BRD1: variants seen among roughly 807,000 people sequenced by gnomAD.
BRD1 encodes bromodomain-containing protein 1.
BRD1 carries 24 observed loss-of-function variants against 107.7 expected under a neutral mutation model. That is an observed-to-expected ratio of 0.22 (90% confidence interval 0.16 to 0.31). The LOEUF is 0.31. Ranked by LOEUF, BRD1 falls within the 10% of genes least tolerant of loss-of-function variation. The pLI is 1.00. For synonymous variants in BRD1, 744 were observed against 686.1 expected (o/e 1.08, Z -1.32); for missense variants, 1,279 against 1,638.6 (o/e 0.78, Z 3.79).
intron 6 of BRD1, among the ~76,000 whole-genome samples, chr22:49,794,819 T>C (rs2059499985): frequency 6.6e-6 from 1 of 152,216 alleles, no homozygotes; most frequent in African/African-American, 2.4e-5. Flanking sequence ...AGTAAACGGG[T>C]TGTAAAATTC....
chr22:49,781,034 G>T (rs2059196992), intron 8 of BRD1, among the ~76,000 whole-genome samples: 1 of 152,202 alleles, frequency 6.6e-6, no homozygotes, highest in African/African-American at 2.4e-5. Context: ...AGTAAAGCTG[G>T]TGACTGTGAG....
rs1255685552 is a variant in BRD1 at position 49,777,721 on chromosome 22, C to T, written c.2950G>A (p.Glu984Lys). The T allele has an allele frequency of 1.2e-6, 2 of 1,608,142 alleles. No homozygotes were observed. The highest frequency in any genetic ancestry group is 1.3e-5 in the African/African-American group (1 of 75,004). The part of the protein sequence containing the change: ...KATPRRRCAS[E>K]SSISSSNSPL... The stretch of plus-strand genomic sequence containing the variant: ...CTGTTGCTGGAGGAGATGCTGGACT[C>T]GGAGGCACAGCGTCGTCGGGGTGTG... The change falls in exon 9 of 13, where the codon GAG (glutamate) becomes AAG (lysine). Residue 984 changes from glutamate (E) to lysine (K), a missense_variant. This residue lies in a region of BRD1 where 263 missense variants were observed against 251.6 expected (regional missense o/e 1.05). Coordinates refer to ENST00000404760, the MANE Select transcript of BRD1 (RefSeq NM_001304808.3).
intron 2 of BRD1, among the ~76,000 whole-genome samples, chr22:49,811,541 C>A (rs995421331): frequency 5.3e-5 from 8 of 152,302 alleles, no homozygotes; most frequent in South Asian, 2.1e-4. Context: ...GGCAGCTGCA[C>A]GGCGTGGGTG....
At chr22:49,775,815 A>ACCCCCCCCCCCCC in intron 11 of BRD1, 70 bp from the exon 12 acceptor site, 1 of 1,141,502 alleles carries the variant, frequency 8.8e-7, no homozygotes, top group East Asian at 3.5e-5. Context: ...TGTCACTGGC[A>ACCCCCCCCCCCCC]CCCCCCCCCG....
chr22:49,827,664 C>CCGGCAGCGG lies in BRD1; in HGVS notation c.-191_-183dup. ...CCTCTCGGCCGCGGCGGCTCCGGGC[C>CCGGCAGCGG]CGGCAGCGGCGGCCGCGGACTCTCG... On this transcript the variant is annotated 5_prime_UTR_variant, in exon 1 of 13. Transcript: ENST00000404760. Among the ~76,000 whole-genome samples, 1 of 144,986 alleles carries CCGGCAGCGG rather than the reference C, an allele frequency of 6.9e-6. No individual in the cohort carries two copies. Among genetic ancestry groups the CCGGCAGCGG allele is most frequent in the South Asian group, 2.1e-4 (1 of 4,736 alleles).
At chr22:49,804,468 T>C in intron 2 of BRD1, 108 bp from the exon 3 acceptor site, 2 of 1,308,428 alleles carry the variant, frequency 1.5e-6, no homozygotes, top group Non-Finnish European at 2.1e-6. Context: ...GTTCATACTT[T>C]TTCTCCCTAA....
At chr22:49,822,139 C>T (rs898406727) in intron 2 of BRD1, among the ~76,000 whole-genome samples, 1 of 152,224 alleles carries the variant, frequency 6.6e-6, no homozygotes, top group African/African-American at 2.4e-5. Context: ...AAAATCTTCA[C>T]GCACGGCTGG....
In BRD1 at chr22:49,773,992, A is replaced by G. The variant is rs755743503; in HGVS notation, c.*241T>C. ...GCTACATATCAAAGAAAGTGACGCC[A>G]GCAGCACGGCCTGGGGACGTGCGAC... On this transcript the variant is annotated 3_prime_UTR_variant, in exon 13 of 13. Transcript: ENST00000404760. 2.2e-5 allele frequency: 9 copies of G among 401,254 alleles called. No individual in the cohort carries two copies. Among genetic ancestry groups the G allele is most frequent in the Non-Finnish European group, 4.0e-5 (9 of 227,070 alleles). 24.9% of individuals were successfully genotyped at this position (401,254 alleles called of 1,614,324 possible). A position where few individuals can be genotyped will look rare whatever the true frequency, so the allele number is the denominator to read the frequency against.
In BRD1 at chr22:49,774,011, G is replaced by T; in HGVS notation, c.*222C>A. On this transcript the variant is annotated 3_prime_UTR_variant, in exon 13 of 13. Coordinates refer to ENST00000404760, the MANE Select transcript of BRD1 (RefSeq NM_001304808.3). ...GACGCCAGCAGCACGGCCTGGGGAC[G>T]TGCGACAGACGCACTGGGCTGCCCG... 2.1e-6 allele frequency: 1 copy of T among 475,274 alleles called. No homozygotes were observed. The allele number at this position is 475,274 out of a possible 1,614,324, so 29.4% of individuals were successfully genotyped here. A position where few individuals can be genotyped will look rare whatever the true frequency, so the allele number is the denominator to read the frequency against.
rs2059116931 is a variant in BRD1 at position 49,777,168 on chromosome 22, G to A, written c.2994-7C>T. 2.5e-6 allele frequency: 4 copies of A among 1,612,288 alleles called. No individual in the cohort carries two copies. The highest frequency in any genetic ancestry group is 3.4e-6 in the Non-Finnish European group (4 of 1,179,894). On this transcript the variant is annotated splice_polypyrimidine_tract_variant and splice_region_variant and intron_variant, in intron 9 of 12. Transcript: ENST00000404760. The stretch of plus-strand genomic sequence containing the variant: ...ACATTTGGGCGCATTAAAGCTTCGG[G>A]AGGAAGAGCAGAGGGAGTCAGGCGC...
chr22:49,821,179 C>T (rs1569139227), intron 2 of BRD1, among the ~76,000 whole-genome samples: 1 of 152,222 alleles, frequency 6.6e-6, no homozygotes, highest in East Asian at 1.9e-4. Flanking sequence ...AGCCAAAGAA[C>T]AGAGAGCGTG....
intron 3 of BRD1, 122 bp downstream of exon 3, chr22:49,804,082 G>A (rs1215992457): frequency 3.6e-6 from 3 of 822,192 alleles, no homozygotes; most frequent in Non-Finnish European, 5.3e-6. Context: ...CGAGACGGAG[G>A]CTTCCCAACG....
At chr22:49,791,282 A>G (rs1188934209) in intron 7 of BRD1, among the ~76,000 whole-genome samples, 1 of 152,234 alleles carries the variant, frequency 6.6e-6, no homozygotes, top group African/African-American at 2.4e-5. Flanking sequence ...GGGCCTGTAC[A>G]AGGGGCAGAC....
At chr22:49,777,254 G>C (rs1214018223) in intron 9 of BRD1, 93 bp from the exon 10 acceptor site, 18 of 1,562,326 alleles carry the variant, frequency 1.2e-5, no homozygotes, top group African/African-American at 5.4e-5. Flanking sequence ...CACCAAGCTG[G>C]CCACGCATCC....
intron 1 of BRD1, among the ~76,000 whole-genome samples, chr22:49,825,522 T>C (rs1042665602): frequency 1.3e-5 from 2 of 152,218 alleles, no homozygotes; most frequent in African/African-American, 4.8e-5. Flanking sequence ...TGTGGACACC[T>C]CCTGTGAAGA....
At position 49,827,705 on chromosome 22, in the gene BRD1, G is replaced by A. The variant is rs1354413396; in HGVS notation, c.-223C>T. ...CGGACTCTCGGGCAGCGGCTCGCGCGGCGCGGGCTCGGGCTCGGGGCCCAG... is the reference window on the plus strand; with the variant it reads ...CGGACTCTCGGGCAGCGGCTCGCGCAGCGCGGGCTCGGGCTCGGGGCCCAG... On this transcript the variant is annotated 5_prime_UTR_variant, in exon 1 of 13. Coordinates refer to ENST00000404760, the MANE Select transcript of BRD1 (RefSeq NM_001304808.3). 9.7e-5 allele frequency among the ~76,000 whole-genome samples: 14 copies of A among 144,800 alleles called. No individual in the cohort carries two copies. Among genetic ancestry groups the A allele is most frequent in the Non-Finnish European group, 1.7e-4 (11 of 65,332 alleles). The allele number at this position is 144,800 out of a possible 152,430, so 95.0% of individuals were successfully genotyped here.
At chr22:49,813,406 T>C (rs569985688) in intron 2 of BRD1, among the ~76,000 whole-genome samples, 1 of 151,810 alleles carries the variant, frequency 6.6e-6, no homozygotes, top group Non-Finnish European at 1.5e-5. Context: ...GTATTTTTAG[T>C]AGAGACGGGG....
chr22:49,775,566 C>T lies in BRD1; in HGVS notation c.3386+25G>A, dbSNP rs200501468. ...GCCCCCAACCACCCCAGCCGGTCCC[C>T]GGAGTCTAAGGCCTCTCAACTCACC... On this transcript the variant is annotated intron_variant, in intron 12 of 12. Coordinates refer to ENST00000404760, the MANE Select transcript of BRD1 (RefSeq NM_001304808.3). 1.0e-4 allele frequency: 148 copies of T among 1,466,350 alleles called. 1 individual carries two copies. The South Asian group carries it at 1.2e-3, about 12-fold the overall frequency. The allele number at this position is 1,466,350 out of a possible 1,614,324, so 90.8% of individuals were successfully genotyped here.
rs759472507 is a variant in BRD1 at position 49,794,087 on chromosome 22, A to G, written c.2306T>C (p.Leu769Ser). ...AGCTCCGTCCTCTTCGAAGCCTTCC[A>G]AGCCTGGCCCCGTGGGCAGGGGCTG... ...HSQPLPTGPG[L>S]EGFEEDGAAL... The change falls in exon 7 of 13, where the codon TTG becomes TCG. Residue 769 changes from leucine (L) to serine (S), a missense_variant. By Grantham distance (145) the Leu-to-Ser change is moderately radical. Around this residue, in one of 7 missense-constraint regions of BRD1, gnomAD observed 406 missense variants for 519.4 expected, o/e 0.78. Coordinates refer to ENST00000404760, the MANE Select transcript of BRD1 (RefSeq NM_001304808.3). The G allele has an allele frequency of 1.9e-6, 3 of 1,614,186 alleles. No homozygotes were observed. Among genetic ancestry groups the G allele is most frequent in the Non-Finnish European group, 2.5e-6 (3 of 1,180,040 alleles).
Sources: gnomAD v4.1 joint callset for allele counts (sites outside exome capture counted in the v4.1 genomes callset) on GRCh38, gnomAD v4.1.1 for gene constraint, gnomAD v4.1.1 regional missense constraint, MANE v1.5 for transcripts, NCBI Gene and HGNC (gene_info 2026-07-23, HGNC 2026-07-21) for gene names.